Variants in PRKN observed in about 807,000 individuals in gnomAD.
The protein encoded by PRKN is parkin RBR E3 ubiquitin protein ligase, also known as E3 ubiquitin-protein ligase parkin.
In PRKN, 56 loss-of-function variants were observed where a neutral mutation model predicts 59.5. The ratio of observed to expected loss-of-function variants is 0.94; its 90% CI spans 0.76 to 1.18. The LOEUF is 1.18. Among genes scored for constraint, PRKN ranks in the 50% most tolerant of loss-of-function variants. The probability of loss-of-function intolerance (pLI) is 0.00; values close to 1 mark genes in which losing one functional copy is unlikely to be tolerated. For missense variants in PRKN, 657 were observed against 596.4 expected, an observed-to-expected ratio of 1.10 and a Z score of -1.06; for synonymous variants, 250 against 222.1, an observed-to-expected ratio of 1.13 and a Z score of -1.12.
intron 1 of PRKN, among the ~76,000 whole-genome samples, chr6:162,668,731 G>C (rs2128229773): frequency 6.6e-6 from 1 of 152,266 alleles, no homozygotes; most frequent in South Asian, 2.1e-4. Flanking sequence ...AGCATCCTGT[G>C]GCCTCGATGA....
At chr6:162,129,654 A>G (rs1281662148) in intron 4 of PRKN, among the ~76,000 whole-genome samples, 3 of 152,154 alleles carry the variant, frequency 2.0e-5, no homozygotes, top group Non-Finnish European at 4.4e-5. Flanking sequence ...ATAAAGTTAA[A>G]TATACTAATT....
At chr6:161,608,487 T>C (rs1033243922) in intron 7 of PRKN, among the ~76,000 whole-genome samples, 3 of 152,072 alleles carry the variant, frequency 2.0e-5, no homozygotes, top group East Asian at 1.9e-4. Flanking sequence ...TAGCAGATAG[T>C]AGTTAAAATT....
intron 6 of PRKN, among the ~76,000 whole-genome samples, chr6:161,952,930 A>G (rs996356190): frequency 2.0e-5 from 3 of 152,232 alleles, no homozygotes; most frequent in Non-Finnish European, 4.4e-5. Flanking sequence ...TAGGATGACG[A>G]CGTGAGTCAA....
intron 1 of PRKN, among the ~76,000 whole-genome samples, chr6:162,553,960 A>G (rs906641220): frequency 6.6e-6 from 1 of 151,838 alleles, no homozygotes; most frequent in Admixed American, 6.6e-5. Context: ...GGGGAAGGAG[A>G]GAAAGCGGCG....
At chr6:161,476,710 A>C (rs528442622) in intron 9 of PRKN, among the ~76,000 whole-genome samples, 2 of 152,316 alleles carry the variant, frequency 1.3e-5, no homozygotes, top group African/African-American at 4.8e-5. Context: ...GTTTAGTCAC[A>C]CAGTGATCGA....
intron 9 of PRKN, among the ~76,000 whole-genome samples, chr6:161,537,673 G>C (rs190990193): frequency 8.5e-5 from 13 of 152,176 alleles, no homozygotes; most frequent in East Asian, 7.7e-4. Flanking sequence ...GGATGGTCTC[G>C]ATCTCCTGAC....
At chr6:161,408,249 C>T (rs942000375) in intron 9 of PRKN, among the ~76,000 whole-genome samples, 5 of 146,374 alleles carry the variant, frequency 3.4e-5, no homozygotes, top group Non-Finnish European at 6.0e-5. Context: ...GACAAATGGT[C>T]ATCATTAAAC....
At chr6:161,563,931 A>T (rs893250513) in intron 8 of PRKN, among the ~76,000 whole-genome samples, 11 of 152,214 alleles carry the variant, frequency 7.2e-5, no homozygotes, top group Non-Finnish European at 1.5e-4. Flanking sequence ...AGTATAGCAC[A>T]ATATTTGCAA....
intron 7 of PRKN, among the ~76,000 whole-genome samples, chr6:161,724,572 A>G (rs573042763): frequency 5.3e-5 from 8 of 152,348 alleles, no homozygotes; most frequent in South Asian, 2.1e-4. Context: ...TTATCTAGCC[A>G]TCTAATATCA....
chr6:162,140,332 AAC>A (rs1781724057), intron 4 of PRKN, among the ~76,000 whole-genome samples: 1 of 152,230 alleles, frequency 6.6e-6, no homozygotes, highest in Non-Finnish European at 1.5e-5. Flanking sequence ...ATCATTTGCA[AAC>A]ACACGACTCT....
At chr6:162,191,374 T>C (rs181421887) in intron 4 of PRKN, among the ~76,000 whole-genome samples, 4 of 152,344 alleles carry the variant, frequency 2.6e-5, no homozygotes, top group East Asian at 1.9e-4. Context: ...CAGTTATAAA[T>C]GATGAGCTGT....
intron 1 of PRKN, among the ~76,000 whole-genome samples, chr6:162,711,497 C>T (rs10806763): frequency 0.18 from 26,880 of 151,668 alleles, 3,057 homozygotes; most frequent in East Asian, 0.47. Context: ...ATGCCACCAA[C>T]AGCATCTCCC....
intron 2 of PRKN, among the ~76,000 whole-genome samples, chr6:162,398,315 T>C (rs1787579317): frequency 6.6e-6 from 1 of 152,100 alleles, no homozygotes; most frequent in Non-Finnish European, 1.5e-5. Flanking sequence ...AGTTATAATG[T>C]TTTTCTTAAA....
chr6:161,618,698 C>G (rs1301574055), intron 7 of PRKN, among the ~76,000 whole-genome samples: 1 of 152,160 alleles, frequency 6.6e-6, no homozygotes, highest in Non-Finnish European at 1.5e-5. Context: ...ACAGCTTGTA[C>G]AGATGCAATT....
intron 8 of PRKN, among the ~76,000 whole-genome samples, chr6:161,555,034 C>G (rs963792385): frequency 3.3e-5 from 5 of 152,006 alleles, no homozygotes; most frequent in African/African-American, 7.2e-5. Flanking sequence ...TTAGGGTTCA[C>G]TTTGTTCAGT....
intron 5 of PRKN, among the ~76,000 whole-genome samples, chr6:161,987,335 C>G (rs1481655319): frequency 6.6e-6 from 1 of 152,156 alleles, no homozygotes; most frequent in Non-Finnish European, 1.5e-5. Flanking sequence ...ATTAAAAACT[C>G]AACCAGCCAT....
At chr6:162,209,032 G>T (rs1785079757) in intron 3 of PRKN, among the ~76,000 whole-genome samples, 1 of 152,102 alleles carries the variant, frequency 6.6e-6, no homozygotes, top group African/African-American at 2.4e-5. Flanking sequence ...CAGGACACAG[G>T]CATGGGCAAG....
intron 2 of PRKN, among the ~76,000 whole-genome samples, chr6:162,317,572 T>C (rs1037427183): frequency 2.0e-5 from 3 of 152,102 alleles, no homozygotes; most frequent in Admixed American, 6.5e-5. Flanking sequence ...GTTTTCCCTA[T>C]GTCTTGGGAA....
intron 1 of PRKN, among the ~76,000 whole-genome samples, chr6:162,550,551 G>T (rs569394375): frequency 2.0e-5 from 3 of 152,182 alleles, no homozygotes; most frequent in Non-Finnish European, 4.4e-5. Flanking sequence ...TCTCCTAGGG[G>T]TATGTAAGTC....
Sources: gnomAD v4.1 joint callset for allele counts (sites outside exome capture counted in the v4.1 genomes callset) on GRCh38, gnomAD v4.1.1 for gene constraint, MANE v1.5 for transcripts, NCBI Gene and HGNC (gene_info 2026-07-23, HGNC 2026-07-21) for gene names.